Variants in FAT3 observed in about 807,000 individuals in gnomAD.
FAT3 encodes the protein FAT atypical cadherin 3, also known as protocadherin Fat 3.
In FAT3, 95 loss-of-function variants were observed where a neutral mutation model predicts 310.2. The ratio of observed to expected loss-of-function variants is 0.31; its 90% CI spans 0.26 to 0.36. The LOEUF (loss-of-function observed/expected upper bound fraction) is 0.36. FAT3 is among the 10% of genes least tolerant of loss of function. The pLI, the probability that FAT3 is intolerant of heterozygous loss-of-function variation, is 1.00. For synonymous variants in FAT3, 2,314 were observed against 2,192.9 expected (o/e 1.06, Z -1.54); for missense variants, 5,408 against 5,715.6 (o/e 0.95, Z 1.74).
intron 6 of FAT3, among the ~76,000 whole-genome samples, chr11:92,765,347 T>C (rs1054705361): frequency 6.6e-6 from 1 of 152,230 alleles, no homozygotes; most frequent in Non-Finnish European, 1.5e-5. Context: ...TCTTAATGTC[T>C]TTCTGTGTGT....
At chr11:92,697,761 C>T (rs1028239350) in intron 4 of FAT3, among the ~76,000 whole-genome samples, 5 of 152,092 alleles carry the variant, frequency 3.3e-5, no homozygotes, top group African/African-American at 4.8e-5. Flanking sequence ...CTGTGAGCCA[C>T]GGGGGCCACA....
intron 4 of FAT3, among the ~76,000 whole-genome samples, chr11:92,761,213 G>A (rs1565572682): frequency 6.6e-6 from 1 of 152,144 alleles, no homozygotes; most frequent in Non-Finnish European, 1.5e-5. Flanking sequence ...CAGATTCAGT[G>A]TCTAGTGATA....
intron 3 of FAT3, among the ~76,000 whole-genome samples, chr11:92,620,384 G>A (rs1941029828): frequency 6.6e-6 from 1 of 152,156 alleles, no homozygotes; most frequent in African/African-American, 2.4e-5. Context: ...TTAGAGCATT[G>A]TTCAAGTCTT....
chr11:92,457,845 C>G (rs939454262), intron 2 of FAT3, among the ~76,000 whole-genome samples: 8 of 152,148 alleles, frequency 5.3e-5, no homozygotes, highest in African/African-American at 1.9e-4. Context: ...TTGCTTGAAC[C>G]CAGGAGGGGG....
At chr11:92,559,985 T>A (rs1955164699) in intron 3 of FAT3, among the ~76,000 whole-genome samples, 1 of 152,230 alleles carries the variant, frequency 6.6e-6, no homozygotes, top group Non-Finnish European at 1.5e-5. Flanking sequence ...AACAGAATTG[T>A]TGGAGCATAT....
At chr11:92,504,215 GA>G (rs1953032767) in intron 2 of FAT3, among the ~76,000 whole-genome samples, 7 of 152,168 alleles carry the variant, frequency 4.6e-5, no homozygotes. Context: ...CAGATTCCAT[GA>G]ATGAGCCAGA....
chr11:92,738,637 A>T (rs948780271), intron 4 of FAT3, among the ~76,000 whole-genome samples: 2 of 152,210 alleles, frequency 1.3e-5, no homozygotes, highest in Admixed American at 6.5e-5. Flanking sequence ...AAACAATACG[A>T]TTCTTTGATG....
chr11:92,548,270 C>T (rs752467366), intron 3 of FAT3, among the ~76,000 whole-genome samples: 2 of 152,084 alleles, frequency 1.3e-5, no homozygotes, highest in Admixed American at 6.6e-5. Flanking sequence ...TTTATACTGT[C>T]GTATCAAGGG....
chr11:92,231,805 G>T (rs1590980191), intron 1 of FAT3, among the ~76,000 whole-genome samples: 1 of 149,060 alleles, frequency 6.7e-6, no homozygotes, highest in Non-Finnish European at 1.5e-5. Flanking sequence ...AAATATCAGG[G>T]TTTTTTTTTT....
Position 92,507,753 on chromosome 11 carries a change from CT to C in FAT3, c.3293-16880del, listed in dbSNP as rs142949554. Among the ~76,000 whole-genome samples, 905 of 149,754 alleles carry C rather than the reference CT, an allele frequency of 6.0e-3. 3 individuals are homozygous for C. The highest frequency in any genetic ancestry group is 8.7e-3 in the Non-Finnish European group (587 of 67,842). ...TACATATATAGGATACATACACACCCTATATATATACACACATATACACACA... is the reference window on the plus strand; with the variant it reads ...TACATATATAGGATACATACACACCCATATATATACACACATATACACACA... On this transcript the variant is annotated intron_variant, in intron 2 of 27. Coordinates refer to ENST00000525166, the MANE Select transcript of FAT3 (RefSeq NM_001367949.2).
At chr11:92,430,260 C>T (rs1401750885) in intron 2 of FAT3, among the ~76,000 whole-genome samples, 1 of 152,136 alleles carries the variant, frequency 6.6e-6, no homozygotes, top group Admixed American at 6.5e-5. Flanking sequence ...ACTGGTTATT[C>T]CAGTTAGCAG....
At chr11:92,504,772 T>C (rs1356967838) in intron 2 of FAT3, among the ~76,000 whole-genome samples, 1 of 152,128 alleles carries the variant, frequency 6.6e-6, no homozygotes, top group Non-Finnish European at 1.5e-5. Context: ...CCTAGTGATA[T>C]GTGTATCAGG....
intron 19 of FAT3, among the ~76,000 whole-genome samples, chr11:92,854,828 T>C (rs7940986): frequency 0.028 from 4,259 of 152,300 alleles, 105 homozygotes; most frequent in African/African-American, 0.072. Context: ...AGCCTATTAA[T>C]GTAATATCTA....
At chr11:92,740,333 C>T (rs964920967) in intron 4 of FAT3, among the ~76,000 whole-genome samples, 4 of 152,156 alleles carry the variant, frequency 2.6e-5, no homozygotes, top group African/African-American at 4.8e-5. Context: ...CAGTGTGACT[C>T]TCCTTTATCT....
intron 1 of FAT3, among the ~76,000 whole-genome samples, chr11:92,307,252 G>A (rs903168385): frequency 1.5e-4 from 19 of 128,762 alleles, no homozygotes; most frequent in Admixed American, 2.9e-4. Context: ...AACACAGCCC[G>A]TTTACATCCT....
chr11:92,479,879 G>T (rs748965480), intron 2 of FAT3, among the ~76,000 whole-genome samples: 5 of 152,040 alleles, frequency 3.3e-5, no homozygotes, highest in South Asian at 2.1e-4. Context: ...TGTCCATCTC[G>T]TCTATCCAGT....
At chr11:92,726,317 A>G (rs1304773476) in intron 4 of FAT3, among the ~76,000 whole-genome samples, 1 of 152,180 alleles carries the variant, frequency 6.6e-6, no homozygotes, top group Admixed American at 6.5e-5. Context: ...GTTTTATTAT[A>G]TGTTTAATAT....
At chr11:92,256,260 A>C (rs1159971798) in intron 1 of FAT3, among the ~76,000 whole-genome samples, 1 of 152,080 alleles carries the variant, frequency 6.6e-6, no homozygotes, top group Non-Finnish European at 1.5e-5. Context: ...TGTCCAGAGA[A>C]GATCGCCCTT....
chr11:92,266,822 T>C (rs761064167), intron 1 of FAT3, among the ~76,000 whole-genome samples: 1 of 152,170 alleles, frequency 6.6e-6, no homozygotes, highest in Non-Finnish European at 1.5e-5. Flanking sequence ...GGCTTGGTTC[T>C]TGGGTGCCTT....
Sources: allele counts gnomAD v4.1 joint callset (sites outside exome capture counted in the v4.1 genomes callset), GRCh38; gene constraint gnomAD v4.1.1; transcripts MANE v1.5; gene names NCBI Gene and HGNC (gene_info 2026-07-23, HGNC 2026-07-21).